Variants in GOLGA1 observed in about 807,000 individuals in gnomAD.
The protein encoded by GOLGA1 is golgin subfamily A member 1.
In GOLGA1, 63 loss-of-function variants were observed where a neutral mutation model predicts 119.7. That is an observed-to-expected ratio of 0.53 (90% CI 0.43 to 0.65). The LOEUF (loss-of-function observed/expected upper bound fraction) is 0.65, where lower values mean the gene tolerates loss of function less well. Ranked by LOEUF, GOLGA1 falls within the 30% of genes least tolerant of loss-of-function variation. The pLI, the probability that GOLGA1 is intolerant of heterozygous loss-of-function variation, is 0.00. For missense variants in GOLGA1, 798 were observed against 912.8 expected, an observed-to-expected ratio of 0.87 and a Z score of 1.62; for synonymous variants, 318 against 333.4, an observed-to-expected ratio of 0.95 and a Z score of 0.50.
intron 12 of GOLGA1, among the ~76,000 whole-genome samples, 185 bp from the exon 13 acceptor site, chr9:124,900,732 C>A (rs1396175334): frequency 1.3e-5 from 2 of 152,182 alleles, no homozygotes; most frequent in Non-Finnish European, 2.9e-5. Context: ...TTCTTAAACT[C>A]TCTTTTAATG....
At chr9:124,906,159 C>T (rs187683768) in intron 12 of GOLGA1, among the ~76,000 whole-genome samples, 2 of 117,752 alleles carry the variant, frequency 1.7e-5, no homozygotes, top group Non-Finnish European at 3.9e-5. Context: ...AAGGGCCTGG[C>T]GCAGTGGGTC....
intron 15 of GOLGA1, 23 bp from the exon 16 acceptor site, chr9:124,890,501 G>A (rs1829830367): frequency 6.4e-7 from 1 of 1,566,728 alleles, no homozygotes; most frequent in Non-Finnish European, 8.8e-7. Context: ...AAACCACTGA[G>A]CCCCAAAACT....
At chr9:124,884,170 C>A (rs1438820166) in intron 19 of GOLGA1, among the ~76,000 whole-genome samples, 1 of 152,028 alleles carries the variant, frequency 6.6e-6, no homozygotes, top group African/African-American at 2.4e-5. Flanking sequence ...TGCCACCACG[C>A]CCAGCTAATT....
At chr9:124,929,873 T>A (rs188107327) in intron 4 of GOLGA1, among the ~76,000 whole-genome samples, 65 of 152,284 alleles carry the variant, frequency 4.3e-4, no homozygotes, top group African/African-American at 1.5e-3. Flanking sequence ...CCAAAGAAGA[T>A]AGTTATGGTT....
Position 124,923,168 on chromosome 9 carries a change from AGATTCATACTCT to A in GOLGA1, c.476_487del (p.Gln159_Asn162del), listed in dbSNP as rs755132634. On this transcript the variant is annotated inframe_deletion, in exon 8 of 23. Transcript: ENST00000373555. The stretch of plus-strand genomic sequence containing the variant: ...ATCCATTTCATCTCTCCTTTGGAAA[AGATTCATACTCT>A]GGTTCTTCATTTCCTGTAACTGGGC... The A allele has an allele frequency of 3.8e-6, 6 of 1,599,246 alleles. No individual in the cohort carries two copies. In the African/African-American group the frequency reaches 8.0e-5, roughly 21 times the overall value.
Position 124,938,738 on chromosome 9 carries a change from A to G in GOLGA1, c.-27T>C, listed in dbSNP as rs1242178799. 1.2e-6 allele frequency: 2 copies of G among 1,601,358 alleles called. No homozygotes were observed. The highest frequency in any genetic ancestry group is 8.5e-7 in the Non-Finnish European group (1 of 1,173,616). ...TTTGCTGTGTGGCTATCCTGCACAG[A>G]TGACGAGCTCTCAGTAGTCCTGGTG... On this transcript the variant is annotated 5_prime_UTR_variant, in exon 3 of 23. Transcript: ENST00000373555.
rs140573308 is a variant in GOLGA1, at chr9:124,932,390, T to C, written c.136-984A>G. On this transcript the variant is annotated intron_variant, in intron 3 of 22. Transcript: ENST00000373555. ...AGCCACTTGCCCATCCAATATGTAC[T>C]GAGAGTCAGGACAGTGGACAGTTAA... Among the ~76,000 whole-genome samples, 369 of 152,340 alleles carry C rather than the reference T, an allele frequency of 2.4e-3. 1 individual carries two copies. Among genetic ancestry groups the C allele is most frequent in the African/African-American group, 7.4e-3 (307 of 41,576 alleles).
chr9:124,913,787 C>T (rs888239576), intron 10 of GOLGA1, among the ~76,000 whole-genome samples: 20 of 152,186 alleles, frequency 1.3e-4, no homozygotes, highest in African/African-American at 4.8e-4. Flanking sequence ...CAGAGGGACA[C>T]ACACCGTGCT....
At chr9:124,926,473 C>CAG (rs1830675609) in intron 7 of GOLGA1, among the ~76,000 whole-genome samples, 1 of 152,058 alleles carries the variant, frequency 6.6e-6, no homozygotes, top group South Asian at 2.1e-4. Context: ...TTCAGGTACA[C>CAG]AGAGAAAGGG....
chr9:124,898,771 G>C (rs1176736554), intron 14 of GOLGA1, 127 bp from the exon 15 acceptor site: 1 of 634,810 alleles, frequency 1.6e-6, no homozygotes, highest in Non-Finnish European at 2.8e-6. Context: ...ATGGGAAGAA[G>C]CAGAGGGGAC....
At chr9:124,938,552 T>G (rs1404093074) in intron 3 of GOLGA1, 25 bp downstream of exon 3, 3 of 1,581,470 alleles carry the variant, frequency 1.9e-6, no homozygotes, top group East Asian at 2.2e-5. Context: ...AAAAGTATCT[T>G]TATTTCTTAA....
At chr9:124,930,814 CATA>C (rs1830757731) in intron 4 of GOLGA1, among the ~76,000 whole-genome samples, 1 of 152,178 alleles carries the variant, frequency 6.6e-6, no homozygotes, top group Admixed American at 6.5e-5. Context: ...AGACAAAAGA[CATA>C]ATGAGAGTGA....
chr9:124,881,895 T>A lies in GOLGA1; in HGVS notation c.2025A>T (p.Ala675=). Residue 675 remains alanine, a synonymous_variant, in exon 21 of 23, where the codon GCA becomes GCT. Transcript: ENST00000373555. The surrounding 1 kb of genome is among the most constrained non-coding windows in gnomAD (Gnocchi z 4.9). ...EVREKPGPEM[A]NMAPSVTNNT... is the part of the protein sequence containing the mutation. ...TATTCGTGACGGAAGGCGCCATGTT[T>A]GCCATCTCAGGTCCAGGTTTCTCCC... 6.2e-7 allele frequency: 1 copy of A among 1,612,834 alleles called. No homozygotes were observed.
chr9:124,925,551 A>G (rs1830657457), intron 7 of GOLGA1, among the ~76,000 whole-genome samples: 1 of 152,052 alleles, frequency 6.6e-6, no homozygotes, highest in Admixed American at 6.6e-5. Context: ...CCTCATCTCT[A>G]TTAAAATTTT....
Position 124,929,212 on chromosome 9 carries a change from G to T in GOLGA1, c.301+4C>A. On this transcript the variant is annotated splice_donor_region_variant and intron_variant, in intron 5 of 22. Transcript: ENST00000373555. Reference sequence around the variant, plus strand: ...ATTGAAAAAAGCAGGAAAAAAATACGTACAATCCTGGTGTTTTTCTAATGC... The same window carrying T: ...ATTGAAAAAAGCAGGAAAAAAATACTTACAATCCTGGTGTTTTTCTAATGC... 1.9e-6 allele frequency: 3 copies of T among 1,558,376 alleles called. No individual in the cohort carries two copies. Among genetic ancestry groups the T allele is most frequent in the Non-Finnish European group, 2.7e-6 (3 of 1,129,512 alleles).
chr9:124,903,651 C>CAAAAAAAAAA (rs11435294), intron 12 of GOLGA1, among the ~76,000 whole-genome samples: 11 of 91,278 alleles, frequency 1.2e-4, no homozygotes, highest in East Asian at 6.7e-4. Context: ...AGAAAAAGAC[C>CAAAAAAAAAA]AAAAAAAAAA....
At chr9:124,941,469 C>T (rs555367313), upstream of GOLGA1, among the ~76,000 whole-genome samples, 1 of 152,234 alleles carries the variant, frequency 6.6e-6, no homozygotes, top group Non-Finnish European at 1.5e-5. Flanking sequence ...AGGCGCCCCC[C>T]CGCGCCGCCC....
chr9:124,908,858 T>C (rs1308235144), intron 11 of GOLGA1, among the ~76,000 whole-genome samples: 1 of 152,244 alleles, frequency 6.6e-6, no homozygotes, highest in African/African-American at 2.4e-5. Flanking sequence ...AACAGCCTGC[T>C]ACGTTGAGGG....
At chr9:124,945,711 C>T (rs1831135326), upstream of GOLGA1, 1 of 152,062 alleles carries the variant, frequency 6.6e-6, no homozygotes, top group South Asian at 2.1e-4. Context: ...ATCCTGACAC[C>T]CTTCCCGTCA....
Sources: gnomAD v4.1 joint callset for allele counts (sites outside exome capture counted in the v4.1 genomes callset) on GRCh38, gnomAD v4.1.1 for gene constraint, Gnocchi (gnomAD v3.1) non-coding constraint, MANE v1.5 for transcripts, NCBI Gene and HGNC (gene_info 2026-07-23, HGNC 2026-07-21) for gene names.